The following ARHGAP15 variants were observed in gnomAD, a reference collection of about 807,000 sequenced individuals.
The protein encoded by ARHGAP15 is Rho GTPase activating protein 15, also known as rho GTPase-activating protein 15.
A neutral mutation model predicts 63.7 loss-of-function variants in ARHGAP15; 51 were observed. That is an observed-to-expected ratio of 0.80 (90% CI 0.64 to 1.01). The LOEUF (loss-of-function observed/expected upper bound fraction) is 1.01, where lower values mean the gene tolerates loss of function less well. Ranked by LOEUF, ARHGAP15 falls within the 50% of genes least tolerant of loss-of-function variation. The pLI is 0.00. For synonymous variants in ARHGAP15, 191 were observed against 193.8 expected, an observed-to-expected ratio of 0.99 and a Z score of 0.12; for missense variants, 560 against 564.6, an observed-to-expected ratio of 0.99 and a Z score of 0.08.
chr2:143,570,634 T>C (rs775182740), intron 11 of ARHGAP15, among the ~76,000 whole-genome samples: 2 of 152,248 alleles, frequency 1.3e-5, no homozygotes, highest in Non-Finnish European at 2.9e-5. Flanking sequence ...TTTTTCACTG[T>C]GTACTATTGA....
At chr2:143,529,871 T>G (rs188083535) in intron 10 of ARHGAP15, among the ~76,000 whole-genome samples, 19 of 152,272 alleles carry the variant, frequency 1.2e-4, no homozygotes, top group Admixed American at 1.2e-3. Context: ...GAGCCCTTAT[T>G]GCCTGGAACT....
At chr2:143,415,748 G>A (rs997987192) in intron 6 of ARHGAP15, among the ~76,000 whole-genome samples, 1 of 151,926 alleles carries the variant, frequency 6.6e-6, no homozygotes, top group African/African-American at 2.4e-5. Context: ...TCAACGAGTG[G>A]GTAAAGAAAC....
Position 143,261,425 on chromosome 2 carries a change from G to A in ARHGAP15, c.474+10825G>A, listed in dbSNP as rs1474146778. ...ACCGTGTTGGTTCACTGCAACCTCCGTCTCCTGAGTTCAAGCAATTCTCCT... is the reference window on the plus strand; with the variant it reads ...ACCGTGTTGGTTCACTGCAACCTCCATCTCCTGAGTTCAAGCAATTCTCCT... On this transcript the variant is annotated intron_variant, in intron 6 of 13. Coordinates refer to ENST00000295095, the MANE Select transcript of ARHGAP15 (RefSeq NM_018460.4). Among the ~76,000 whole-genome samples, 47 of 137,202 alleles carry A rather than the reference G, an allele frequency of 3.4e-4. No homozygotes were observed. The Admixed American group carries it at 3.6e-3, about 10-fold the overall frequency. The allele number at this position is 137,202 out of a possible 152,430, so 90.0% of individuals were successfully genotyped here. A position where few individuals can be genotyped will look rare whatever the true frequency, so the allele number is the denominator to read the frequency against.
chr2:143,181,014 A>G (rs1288093121), intron 2 of ARHGAP15, among the ~76,000 whole-genome samples: 1 of 152,202 alleles, frequency 6.6e-6, no homozygotes, highest in African/African-American at 2.4e-5. Context: ...AGCCAAATTT[A>G]CTACTTGATC....
At chr2:143,296,885 T>G (rs1682655698) in intron 6 of ARHGAP15, among the ~76,000 whole-genome samples, 1 of 151,968 alleles carries the variant, frequency 6.6e-6, no homozygotes, top group Non-Finnish European at 1.5e-5. Flanking sequence ...TTCTTATCAT[T>G]TAGCTCCCAC....
intron 8 of ARHGAP15, among the ~76,000 whole-genome samples, chr2:143,462,247 C>A (rs954982753): frequency 6.6e-6 from 1 of 152,090 alleles, no homozygotes; most frequent in African/African-American, 2.4e-5. Flanking sequence ...AATTGATAGG[C>A]CATCTCCATT....
intron 5 of ARHGAP15, among the ~76,000 whole-genome samples, chr2:143,234,525 TA>T (rs1482307376): frequency 6.6e-6 from 1 of 152,168 alleles, no homozygotes; most frequent in Non-Finnish European, 1.5e-5. Flanking sequence ...CAATCTAAAT[TA>T]ACAGTATAAA....
At chr2:143,670,831 A>G (rs1682485732) in intron 12 of ARHGAP15, among the ~76,000 whole-genome samples, 1 of 152,194 alleles carries the variant, frequency 6.6e-6, no homozygotes, top group African/African-American at 2.4e-5. Context: ...ATTGCTTTGC[A>G]TATTGTGGGC....
intron 12 of ARHGAP15, among the ~76,000 whole-genome samples, chr2:143,643,961 C>T (rs187581265): frequency 1.1e-4 from 17 of 152,066 alleles, no homozygotes; most frequent in African/African-American, 3.6e-4. Flanking sequence ...TGGCATTGCT[C>T]CTACAGACAG....
chr2:143,485,200 C>T (rs1692271254), intron 8 of ARHGAP15, among the ~76,000 whole-genome samples: 2 of 152,124 alleles, frequency 1.3e-5, no homozygotes, highest in South Asian at 4.2e-4. Context: ...GGTTTCAAGC[C>T]CCACATGCAT....
At chr2:143,718,270 T>C (rs993288380) in intron 13 of ARHGAP15, among the ~76,000 whole-genome samples, 39 of 152,220 alleles carry the variant, frequency 2.6e-4, no homozygotes, top group African/African-American at 9.4e-4. Context: ...CACTTGACTT[T>C]GAAGCAGTAC....
intron 3 of ARHGAP15, among the ~76,000 whole-genome samples, chr2:143,209,427 C>G (rs1450988493): frequency 6.6e-6 from 1 of 151,998 alleles, no homozygotes; most frequent in African/African-American, 2.4e-5. Flanking sequence ...CTGTGCTAGG[C>G]TTGGAATATG....
chr2:143,157,137 T>G (rs1364787913), intron 2 of ARHGAP15, among the ~76,000 whole-genome samples: 2 of 151,948 alleles, frequency 1.3e-5, no homozygotes, highest in Non-Finnish European at 2.9e-5. Flanking sequence ...CAATGAATTA[T>G]CCACCTCAAT....
intron 6 of ARHGAP15, among the ~76,000 whole-genome samples, chr2:143,375,953 A>C (rs1255701158): frequency 1.3e-5 from 2 of 152,242 alleles, no homozygotes; most frequent in African/African-American, 4.8e-5. Flanking sequence ...ATGACAACAG[A>C]ACAAGCTCAC....
chr2:143,165,414 A>G (rs1173184104), intron 2 of ARHGAP15, among the ~76,000 whole-genome samples: 2 of 152,102 alleles, frequency 1.3e-5, no homozygotes, highest in African/African-American at 4.8e-5. Context: ...GAGAAGGGAC[A>G]TGTGTCTCCT....
chr2:143,292,584 ATTAAAT>A (rs1682454186), intron 6 of ARHGAP15, among the ~76,000 whole-genome samples: 1 of 152,002 alleles, frequency 6.6e-6, no homozygotes, highest in African/African-American at 2.4e-5. Flanking sequence ...AGCCTGTAAA[ATTAAAT>A]TAAATTTTTA....
chr2:143,580,817 T>A (rs1275261337), intron 11 of ARHGAP15, among the ~76,000 whole-genome samples: 1 of 152,142 alleles, frequency 6.6e-6, no homozygotes, highest in Admixed American at 6.6e-5. Context: ...ACCAAAACCA[T>A]CTAGATCCTC....
At chr2:143,631,305 T>C (rs1363100165) in intron 12 of ARHGAP15, among the ~76,000 whole-genome samples, 1 of 152,138 alleles carries the variant, frequency 6.6e-6, no homozygotes, top group Non-Finnish European at 1.5e-5. Flanking sequence ...CAAATTTTTG[T>C]GTGGACAAAT....
chr2:143,497,381 C>T (rs1187924968), intron 9 of ARHGAP15, among the ~76,000 whole-genome samples: 1 of 152,196 alleles, frequency 6.6e-6, no homozygotes, highest in African/African-American at 2.4e-5. Flanking sequence ...CATCCTAAAT[C>T]TTTCCTCTGT....
Sources: gnomAD v4.1 joint callset for allele counts (sites outside exome capture counted in the v4.1 genomes callset) on GRCh38, gnomAD v4.1.1 for gene constraint, MANE v1.5 for transcripts, NCBI Gene and HGNC (gene_info 2026-07-23, HGNC 2026-07-21) for gene names.